Variants in NES observed in about 807,000 individuals in gnomAD.
The protein encoded by NES is nestin.
In NES, 27 loss-of-function variants were observed where a neutral mutation model predicts 35.6. That is an observed-to-expected ratio of 0.76 (90% CI 0.56 to 1.04). The LOEUF (loss-of-function observed/expected upper bound fraction) is 1.04, where lower values mean the gene tolerates loss of function less well. Ranked by LOEUF, NES falls within the 50% of genes least tolerant of loss-of-function variation. NES has a pLI of 0.00. For missense variants in NES, 1,867 were observed against 1,983.6 expected, an observed-to-expected ratio of 0.94 and a Z score of 1.12; for synonymous variants, 822 against 824.2, an observed-to-expected ratio of 1.00 and a Z score of 0.04.
In NES at chr1:156,671,398, C is replaced by A. The variant is rs377314316; in HGVS notation, c.2790G>T (p.Glu930Asp). ...CCTCCTCCTCCAGAGACCTCAGTGA[C>A]TCTTGGTACTCTCCCTTTCCCAGGT... The part of the protein sequence containing the change: ...EENLGKGEYQ[E>D]SLRSLEEEGQ... Residue 930 changes from glutamate to aspartate, a missense_variant, in exon 4 of 4, where the codon GAG becomes GAT. Physicochemically the swap from Glu to Asp is conservative, Grantham distance 45 (BLOSUM62 2). Transcript: ENST00000368223. 6.2e-7 allele frequency: 1 copy of A among 1,614,056 alleles called. No individual in the cohort carries two copies. Among genetic ancestry groups the A allele is most frequent in the African/African-American group, 1.3e-5 (1 of 75,054 alleles).
chr1:156,675,367 T>C, intron 1 of NES, 27 bp from the exon 2 acceptor site: 2 of 1,584,454 alleles, frequency 1.3e-6, no homozygotes, highest in Non-Finnish European at 8.6e-7. Context: ...AGGCAGTCAG[T>C]GGAGGGGCTG....
Position 156,671,014 on chromosome 1 carries a change from C to G in NES, c.3174G>C (p.Gly1058=). 1 of 1,612,426 alleles carries G rather than the reference C, an allele frequency of 6.2e-7. No individual in the cohort carries two copies. The highest frequency in any genetic ancestry group is 8.5e-7 in the Non-Finnish European group (1 of 1,179,534). ...VGAPGLQAPQ[G]LPEAIEPLVE... ...CCAGGGGCTCTATCGCCTCTGGCAG[C>G]CCCTGGGGAGCCTGGAGGCCTGGGG... Residue 1058 remains glycine, a synonymous_variant, in exon 4 of 4, where the codon GGG becomes GGC. Transcript: ENST00000368223.
In NES at chr1:156,671,199, G is replaced by C. The variant is rs748796656; in HGVS notation, c.2989C>G (p.Gln997Glu). The change falls in exon 4 of 4, where the codon CAG (glutamine) becomes GAG (glutamate). Residue 997 changes from glutamine (Q) to glutamate (E), a missense_variant. Transcript: ENST00000368223. ...TCCTCTGTGGCATTCAGCTCTCCCT[G>C]CTCTACCACCTCCTCCTTCCCAGTG... ...GFTGKEEVVE[Q>E]GELNATEEVW... 2.5e-6 allele frequency: 4 copies of C among 1,614,060 alleles called. No individual in the cohort carries two copies. In the Admixed American group the frequency reaches 5.0e-5, roughly 20 times the overall value.
intron 2 of NES, 50 bp from the exon 3 acceptor site, chr1:156,673,577 C>T: frequency 6.9e-7 from 1 of 1,454,698 alleles, no homozygotes; most frequent in Non-Finnish European, 9.5e-7. Context: ...CCCAGGCCTG[C>T]AGGCAGCAAG....
Position 156,669,916 on chromosome 1 carries a change from C to T in NES, c.4272G>A (p.Glu1424=). 1 of 1,613,392 alleles carries T rather than the reference C, an allele frequency of 6.2e-7. No homozygotes were observed. The highest frequency in any genetic ancestry group is 8.5e-7 in the Non-Finnish European group (1 of 1,179,710). Residue 1424 remains glutamate (E), a synonymous_variant, in exon 4 of 4, where the codon GAG becomes GAA. Coordinates refer to ENST00000368223, the MANE Select transcript of NES (RefSeq NM_006617.2). ...CTGGCTCCCTCCCCTCCTCCTGATC[C>T]TCCTCTCCCTCCTCCCCACTTTCTT... The part of the protein sequence containing the change: ...DEEESGEEGE[E]DQEEGREPGA...
rs767492510 is a variant in NES at position 156,673,095 on chromosome 1, C to G, written c.1093G>C (p.Glu365Gln). 6.2e-7 allele frequency: 1 copy of G among 1,603,502 alleles called. No homozygotes were observed. ...TTAAGAAAGGCTGGCACAGGTGTCTCAAGGGTAGCAGGCAAGGGTGAGGGG... is the reference window on the plus strand; with the variant it reads ...TTAAGAAAGGCTGGCACAGGTGTCTGAAGGGTAGCAGGCAAGGGTGAGGGG... ...SLPSPLPATL[E>Q]TPVPAFLKNQ... Residue 365 changes from glutamate to glutamine, a missense_variant, in exon 4 of 4, where the codon GAG becomes CAG. Transcript: ENST00000368223.
intron 1 of NES, 119 bp from the exon 2 acceptor site, chr1:156,675,459 G>A: frequency 8.2e-7 from 1 of 1,226,150 alleles, no homozygotes; most frequent in Non-Finnish European, 1.1e-6. Context: ...TGACTTATCT[G>A]TGTAGCAGAC....
chr1:156,676,964 C>G lies in NES; in HGVS notation c.301G>C (p.Ala101Pro). The change falls in exon 1 of 4, where the codon GCC (alanine) becomes CCC (proline). Residue 101 changes from alanine (A) to proline (P), a missense_variant. Ala to Pro is a conservative substitution (Grantham distance 27). Transcript: ENST00000368223. This position sits in a 1 kb window ranked among gnomAD's most constrained non-coding sequence, Gnocchi z 5.3. Reference protein sequence around the residue: ...VAGRCQQLRLARERTTEEVAR... With the variant: ...VAGRCQQLRLPRERTTEEVAR... ...ACCTCCTCCGTCGTCCGCTCCCGGG[C>G]CAGCCGCAGCTGCTGGCATCGGCCT... 6.4e-7 allele frequency: 1 copy of G among 1,561,958 alleles called. No homozygotes were observed. The highest frequency in any genetic ancestry group is 8.6e-7 in the Non-Finnish European group (1 of 1,161,994).
In NES at chr1:156,671,145, C is replaced by T. The variant is rs867216816; in HGVS notation, c.3043G>A (p.Glu1015Lys). The T allele has an allele frequency of 6.2e-7, 1 of 1,614,150 alleles. No individual in the cohort carries two copies. The highest frequency in any genetic ancestry group is 8.5e-7 in the Non-Finnish European group (1 of 1,180,028). ...EVWIPGEGHP[E>K]SPEPKEQRGL... The stretch of plus-strand genomic sequence containing the variant: ...CTCTGCTCTTTGGGCTCAGGGCTCT[C>T]TGGGTGCCCCTCGCCTGGGATCCAG... Residue 1015 changes from glutamate to lysine, a missense_variant, in exon 4 of 4, where the codon GAG (glutamate) becomes AAG (lysine). Transcript: ENST00000368223.
chr1:156,676,771 G>A lies in NES; in HGVS notation c.494C>T (p.Pro165Leu). ...AACAPRCPAP[P>L]RGPPAPAPEV... ...CGGGGCCGGCGCGGGAGGCCCGCGGGGCGGCGCGGGGCAGCGGGGGGCACA... is the reference window on the plus strand; with the variant it reads ...CGGGGCCGGCGCGGGAGGCCCGCGGAGCGGCGCGGGGCAGCGGGGGGCACA... The change falls in exon 1 of 4, where the codon CCC becomes CTC. Residue 165 changes from proline to leucine, a missense_variant. Pro to Leu is a moderately conservative substitution (Grantham distance 98). Coordinates refer to ENST00000368223, the MANE Select transcript of NES (RefSeq NM_006617.2). The surrounding 1 kb of genome is among the most constrained non-coding windows in gnomAD (Gnocchi z 5.3). 7.3e-7 allele frequency: 1 copy of A among 1,360,764 alleles called. No individual in the cohort carries two copies. Among genetic ancestry groups the A allele is most frequent in the Non-Finnish European group, 9.4e-7 (1 of 1,065,884 alleles). The allele number at this position is 1,360,764 out of a possible 1,614,324, so 84.3% of individuals were successfully genotyped here. A position where few individuals can be genotyped will look rare whatever the true frequency, so the allele number is the denominator to read the frequency against.
Position 156,670,839 on chromosome 1 carries a change from C to G in NES, c.3349G>C (p.Glu1117Gln). Residue 1117 changes from glutamate (E) to glutamine (Q), a missense_variant, in exon 4 of 4, where the codon GAA (glutamate) becomes CAA (glutamine). By Grantham distance (29) the Glu-to-Gln change is conservative. Coordinates refer to ENST00000368223, the MANE Select transcript of NES (RefSeq NM_006617.2). Reference sequence around the variant, plus strand: ...TCCAGGGGTGGTTCCATCACCTCTTCCCTGGTCAGATGGCCTGGGTCCCCC... The same window carrying G: ...TCCAGGGGTGGTTCCATCACCTCTTGCCTGGTCAGATGGCCTGGGTCCCCC... The part of the protein sequence containing the change: ...GLGDPGHLTR[E>Q]EVMEPPLEEE... 1 of 1,612,594 alleles carries G rather than the reference C, an allele frequency of 6.2e-7. No homozygotes were observed. The highest frequency in any genetic ancestry group is 8.5e-7 in the Non-Finnish European group (1 of 1,179,076).
rs759805886 is a variant in NES, at chr1:156,669,505, C to T, written c.4683G>A (p.Glu1561=). The stretch of plus-strand genomic sequence containing the variant: ...CTAGCGGCATTCCTTGCCCCACTTC[C>T]TCAGACTGCTCCAGCCCGTTCATCA... The part of the protein sequence containing the change: ...GGVMNGLEQS[E]EVGQGMPLVS... Residue 1561 remains glutamate (E), a synonymous_variant, in exon 4 of 4, where the codon GAG becomes GAA. Coordinates refer to ENST00000368223, the MANE Select transcript of NES (RefSeq NM_006617.2). The T allele has an allele frequency of 6.2e-7, 1 of 1,613,020 alleles. No homozygotes were observed. Among genetic ancestry groups the T allele is most frequent in the South Asian group, 1.1e-5 (1 of 90,968 alleles).
Position 156,673,523 on chromosome 1 carries a change from G to C in NES, c.913C>G (p.Leu305Val). The part of the protein sequence containing the change: ...LSLEVATYRT[L>V]LEAENSRLQT... ...AGCCGGGAGTTCTCAGCCTCCAGGA[G>C]GGTCCTGGAGAGGACAGAGGGAAAG... Residue 305 changes from leucine to valine, a missense_variant, in exon 3 of 4, where the codon CTC becomes GTC. By Grantham distance (32) the Leu-to-Val change is conservative (BLOSUM62 1). Transcript: ENST00000368223. The C allele has an allele frequency of 6.2e-7, 1 of 1,609,778 alleles. No individual in the cohort carries two copies.
At position 156,672,302 on chromosome 1, in the gene NES, T is replaced by C. The variant is rs541167244; in HGVS notation, c.1886A>G (p.Gln629Arg). The C allele has an allele frequency of 1.9e-6, 3 of 1,605,394 alleles. No individual in the cohort carries two copies. Among genetic ancestry groups the C allele is most frequent in the African/African-American group, 1.3e-5 (1 of 74,134 alleles). Residue 629 changes from glutamine to arginine, a missense_variant, in exon 4 of 4, where the codon CAA becomes CGA. By Grantham distance (43) the Gln-to-Arg change is conservative. Transcript: ENST00000368223. ...KEDTQTLQSL[Q>R]KENQELMKSL... ...TTTCATTAGTTCTTGATTCTCCTTT[T>C]GCAGGGATTGCAATGTCTGTGTGTC...
chr1:156,674,716 C>T (rs903774635), intron 2 of NES, among the ~76,000 whole-genome samples: 2 of 152,216 alleles, frequency 1.3e-5, no homozygotes, highest in African/African-American at 4.8e-5. Context: ...AGTCTCGCCC[C>T]ATGACATCCA....
In NES at chr1:156,669,207, CA is replaced by C; in HGVS notation, c.*114del. 2 of 690,552 alleles carry C rather than the reference CA, an allele frequency of 2.9e-6. No individual in the cohort carries two copies. Among genetic ancestry groups the C allele is most frequent in the East Asian group, 5.5e-5 (2 of 36,446 alleles). The allele number at this position is 690,552 out of a possible 1,614,324, so 42.8% of individuals were successfully genotyped here. ...CGGGCCAGGCCTCTCAGCCAGAAAC[CA>C]TATGTCAAGAGATCGTAAGTTAAGA... is the stretch of plus-strand genomic sequence containing the variant. On this transcript the variant is annotated 3_prime_UTR_variant, in exon 4 of 4. Coordinates refer to ENST00000368223, the MANE Select transcript of NES (RefSeq NM_006617.2).
At chr1:156,675,450 G>T in intron 1 of NES, 110 bp from the exon 2 acceptor site, 1 of 1,317,206 alleles carries the variant, frequency 7.6e-7, no homozygotes. Flanking sequence ...CTCCCTGGCT[G>T]ACTTATCTGT....
At position 156,671,035 on chromosome 1, in the gene NES, T is replaced by G. The variant is rs764460821; in HGVS notation, c.3153A>C (p.Pro1051=). ...PEGQSQQVGA[P]GLQAPQGLPE... ...GCAGCCCCTGGGGAGCCTGGAGGCC[T>G]GGGGCCCCCACCTGTTGTGATTGCC... Residue 1051 remains proline, a synonymous_variant, in exon 4 of 4, where the codon CCA becomes CCC. Coordinates refer to ENST00000368223, the MANE Select transcript of NES (RefSeq NM_006617.2). 3.7e-6 allele frequency: 6 copies of G among 1,613,014 alleles called. No homozygotes were observed. Among genetic ancestry groups the G allele is most frequent in the Non-Finnish European group, 5.1e-6 (6 of 1,179,734 alleles).
chr1:156,670,177 C>A lies in NES; in HGVS notation c.4011G>T (p.Leu1337=). The A allele has an allele frequency of 6.2e-7, 1 of 1,614,068 alleles. No homozygotes were observed. The highest frequency in any genetic ancestry group is 1.6e-4 in the Middle Eastern group (1 of 6,062). ...TGKEGWDPAV[L]ASEGLEAPPS... ...GTGGGGCCTCAAGGCCCTCGGAAGC[C>A]AGGACAGCAGGATCCCAGCCCTCCT... Residue 1337 remains leucine (L), a synonymous_variant, in exon 4 of 4, where the codon CTG becomes CTT. Transcript: ENST00000368223.
Sources: allele counts gnomAD v4.1 joint callset (sites outside exome capture counted in the v4.1 genomes callset), GRCh38; gene constraint gnomAD v4.1.1; non-coding constraint Gnocchi (gnomAD v3.1); transcripts MANE v1.5; gene names NCBI Gene and HGNC (gene_info 2026-07-23, HGNC 2026-07-21).